The following PPFIA2 variants were observed in gnomAD, a reference collection of about 807,000 sequenced individuals.
The protein encoded by PPFIA2 is PPFI scaffold protein A2, also known as liprin-alpha-2.
A neutral mutation model predicts 175.5 loss-of-function variants in PPFIA2; 46 were observed. The ratio of observed to expected loss-of-function variants is 0.26; its 90% CI spans 0.21 to 0.34. The LOEUF (loss-of-function observed/expected upper bound fraction) is 0.34, where lower values mean the gene tolerates loss of function less well. Among genes scored for constraint, PPFIA2 ranks in the 10% least tolerant of loss-of-function variants. The pLI is 1.00. For synonymous variants in PPFIA2, 568 were observed against 511.4 expected, an observed-to-expected ratio of 1.11 and a Z score of -1.49; for missense variants, 1,179 against 1,506.1, an observed-to-expected ratio of 0.78 and a Z score of 3.60.
At chr12:81,678,649 T>C (rs1190409844) in intron 3 of PPFIA2, among the ~76,000 whole-genome samples, 3 of 151,852 alleles carry the variant, frequency 2.0e-5, no homozygotes, top group Non-Finnish European at 4.4e-5. Flanking sequence ...CCATTCTAGC[T>C]ACAAAAGAGG....
intron 24 of PPFIA2, among the ~76,000 whole-genome samples, chr12:81,285,159 G>A (rs1296088911): frequency 6.6e-6 from 1 of 152,052 alleles, no homozygotes; most frequent in East Asian, 1.9e-4. Context: ...CGAAACCAAA[G>A]TCCACTTAGT....
At chr12:81,439,147 T>TTCTCTC (rs148961339) in intron 7 of PPFIA2, among the ~76,000 whole-genome samples, 1 of 147,868 alleles carries the variant, frequency 6.8e-6, no homozygotes, top group African/African-American at 2.5e-5. Flanking sequence ...CAGGTTAAAC[T>TTCTCTC]TCTCTCTCTC....
At chr12:81,338,454 T>C (rs1161572595) in intron 21 of PPFIA2, among the ~76,000 whole-genome samples, 1 of 152,088 alleles carries the variant, frequency 6.6e-6, no homozygotes, top group Non-Finnish European at 1.5e-5. Flanking sequence ...AGTAGTACCA[T>C]TTCAAATGTA....
At chr12:81,399,651 T>C (rs74104416) in intron 8 of PPFIA2, among the ~76,000 whole-genome samples, 259 of 152,276 alleles carry the variant, frequency 1.7e-3, no homozygotes, top group African/African-American at 6.0e-3. Context: ...TAGCCAATCA[T>C]TGAACCTCTG....
At chr12:81,310,127 G>A (rs1383714189) in intron 22 of PPFIA2, among the ~76,000 whole-genome samples, 1 of 152,070 alleles carries the variant, frequency 6.6e-6, no homozygotes, top group African/African-American at 2.4e-5. Flanking sequence ...CAGTTTGGAA[G>A]TGTATAGTTT....
chr12:81,449,240 T>C (rs1331103325), intron 5 of PPFIA2, among the ~76,000 whole-genome samples: 1 of 152,182 alleles, frequency 6.6e-6, no homozygotes, highest in Admixed American at 6.5e-5. Flanking sequence ...AACGGCCCAG[T>C]GGCAAGCTGC....
At chr12:81,259,721 C>T (rs908426084) in intron 32 of PPFIA2, 61 bp from the exon 33 acceptor site, 3 of 1,445,438 alleles carry the variant, frequency 2.1e-6, no homozygotes, top group Non-Finnish European at 2.8e-6. Flanking sequence ...AAATCTCATT[C>T]TACTCCTCTG....
chr12:81,660,341 G>A (rs1330381516), intron 4 of PPFIA2, among the ~76,000 whole-genome samples: 3 of 152,148 alleles, frequency 2.0e-5, no homozygotes, highest in African/African-American at 4.8e-5. Context: ...CCAATGCAGA[G>A]AAATCCTTAA....
At chr12:81,272,187 T>G (rs2039313143) in intron 28 of PPFIA2, among the ~76,000 whole-genome samples, 1 of 152,186 alleles carries the variant, frequency 6.6e-6, no homozygotes, top group South Asian at 2.1e-4. Context: ...TTGTAATGTG[T>G]TTAGACGTGT....
intron 4 of PPFIA2, among the ~76,000 whole-genome samples, chr12:81,558,712 T>C (rs1347717323): frequency 6.6e-6 from 1 of 152,164 alleles, no homozygotes; most frequent in Non-Finnish European, 1.5e-5. Flanking sequence ...GAGGTGGCTA[T>C]GTATTTCTGA....
At chr12:81,639,209 A>G (rs1370337923) in intron 4 of PPFIA2, among the ~76,000 whole-genome samples, 2 of 152,200 alleles carry the variant, frequency 1.3e-5, no homozygotes, top group African/African-American at 2.4e-5. Flanking sequence ...TGGAAAAGCA[A>G]TAACAACTAC....
chr12:81,471,819 C>T (rs1039316916), intron 4 of PPFIA2, among the ~76,000 whole-genome samples: 8 of 152,134 alleles, frequency 5.3e-5, no homozygotes, highest in African/African-American at 1.9e-4. Flanking sequence ...TTTTCTTTTG[C>T]TTTTCATTTT....
intron 3 of PPFIA2, among the ~76,000 whole-genome samples, chr12:81,709,665 C>A (rs1251022550): frequency 6.6e-6 from 1 of 151,954 alleles, no homozygotes; most frequent in Non-Finnish European, 1.5e-5. Context: ...ATAAGCAGAT[C>A]CCTGTAGCAA....
chr12:81,478,923 T>C (rs2057833721), intron 4 of PPFIA2, among the ~76,000 whole-genome samples: 1 of 152,174 alleles, frequency 6.6e-6, no homozygotes, highest in Non-Finnish European at 1.5e-5. Flanking sequence ...TCTGTGGATG[T>C]CTATTGAGTC....
intron 4 of PPFIA2, among the ~76,000 whole-genome samples, chr12:81,573,657 C>T (rs966738255): frequency 3.3e-5 from 5 of 151,798 alleles, no homozygotes; most frequent in African/African-American, 9.7e-5. Flanking sequence ...TCATGAAGCA[C>T]GCCTCTATCT....
At chr12:81,509,493 A>C (rs1026416966) in intron 4 of PPFIA2, among the ~76,000 whole-genome samples, 8 of 152,144 alleles carry the variant, frequency 5.3e-5, no homozygotes, top group African/African-American at 1.9e-4. Context: ...TGTCCCAAGG[A>C]GATTAGGGGC....
At chr12:81,650,786 T>C (rs2066911021) in intron 4 of PPFIA2, among the ~76,000 whole-genome samples, 1 of 152,108 alleles carries the variant, frequency 6.6e-6, no homozygotes, top group African/African-American at 2.4e-5. Context: ...CTACCTGCAG[T>C]GGAAGCTATG....
Position 81,259,253 on chromosome 12 carries a change from T to C in PPFIA2, c.*441A>G, listed in dbSNP as rs1354778847. 1 of 275,978 alleles carries C rather than the reference T, an allele frequency of 3.6e-6. No homozygotes were observed. The highest frequency in any genetic ancestry group is 1.0e-4 in the East Asian group (1 of 9,600). The allele number at this position is 275,978 out of a possible 1,614,324, so 17.1% of individuals were successfully genotyped here. On this transcript the variant is annotated 3_prime_UTR_variant, in exon 33 of 33. Coordinates refer to ENST00000549396, the MANE Select transcript of PPFIA2 (RefSeq NM_003625.5). ...AAACAGTACTTGGAATTGTCAAATG[T>C]TTGCACTCGAGACTCCATGAACCAT...
intron 3 of PPFIA2, among the ~76,000 whole-genome samples, chr12:81,719,818 A>G (rs935310850): frequency 6.6e-6 from 1 of 151,418 alleles, no homozygotes; most frequent in African/African-American, 2.4e-5. Context: ...AAAAAGCAAC[A>G]TATTGCTGAT....
Sources: gnomAD v4.1 joint callset for allele counts (sites outside exome capture counted in the v4.1 genomes callset) on GRCh38, gnomAD v4.1.1 for gene constraint, MANE v1.5 for transcripts, NCBI Gene and HGNC (gene_info 2026-07-23, HGNC 2026-07-21) for gene names.